INSC: variants seen among roughly 807,000 people sequenced by gnomAD.
INSC encodes INSC spindle orientation adaptor protein, also known as protein inscuteable homolog.
In INSC, 67 loss-of-function variants were observed where a neutral mutation model predicts 58.6. The observed-to-expected ratio is 1.14, with a 90% CI of 0.94 to 1.40. The LOEUF (loss-of-function observed/expected upper bound fraction) is 1.40, where lower values mean the gene tolerates loss of function less well. Ranked by LOEUF, INSC falls within the 40% of genes most tolerant of loss-of-function variation. The probability of loss-of-function intolerance (pLI) is 0.00; values close to 1 mark genes in which losing one functional copy is unlikely to be tolerated. For missense variants in INSC, 714 were observed against 692.0 expected, an observed-to-expected ratio of 1.03 and a Z score of -0.36; for synonymous variants, 262 against 276.1, an observed-to-expected ratio of 0.95 and a Z score of 0.51.
chr11:15,234,229 G>A (rs1355185356), intron 9 of INSC, among the ~76,000 whole-genome samples: 1 of 152,180 alleles, frequency 6.6e-6, no homozygotes, highest in African/African-American at 2.4e-5. Flanking sequence ...CCAGGCCCCT[G>A]ATGGGGTCTG....
intron 1 of INSC, among the ~76,000 whole-genome samples, chr11:15,119,527 T>C (rs1231552227): frequency 6.6e-6 from 1 of 152,196 alleles, no homozygotes; most frequent in African/African-American, 2.4e-5. Flanking sequence ...GCAGTGTCTG[T>C]AGGCGTCAGC....
Position 15,246,691 on chromosome 11 carries a change from CTT to C in INSC, c.*653_*654del, listed in dbSNP as rs1734490850. ...GTGACTTAGTGAGAAACCAAAGTGA[CTT>C]TCAAAAATACACCCAAAGGCACCAG... On this transcript the variant is annotated 3_prime_UTR_variant, in exon 13 of 13. Transcript: ENST00000379556. 1 of 152,352 alleles carries C rather than the reference CTT, an allele frequency of 6.6e-6. No homozygotes were observed. Among genetic ancestry groups the C allele is most frequent in the Admixed American group, 6.5e-5 (1 of 15,276 alleles). 9.4% of individuals were successfully genotyped at this position (152,352 alleles called of 1,614,324 possible).
rs772284958 is a variant in INSC, at chr11:15,225,678, A to C, written c.1020A>C (p.Glu340Asp). 10 of 1,614,202 alleles carry C rather than the reference A, an allele frequency of 6.2e-6. No individual in the cohort carries two copies. The Admixed American group carries it at 8.3e-5, about 13-fold the overall frequency. ...VKLCQEASSG[E>D]VFLLASAALA... ...TGTGCCAAGAGGCCTCATCAGGGGA[A>C]GTCTTCCTACTGGCCTCTGCGGCCC... is the stretch of plus-strand genomic sequence containing the variant. Residue 340 changes from glutamate (E) to aspartate (D), a missense_variant, in exon 9 of 13, where the codon GAA (glutamate) becomes GAC (aspartate). Glu to Asp is a conservative substitution (Grantham distance 45, BLOSUM62 2). Transcript: ENST00000379556.
At chr11:15,121,056 T>A (rs1847860503) in intron 1 of INSC, among the ~76,000 whole-genome samples, 1 of 12,910 alleles carries the variant, frequency 7.7e-5, no homozygotes, top group Non-Finnish European at 0.01. Context: ...TTATTATATA[T>A]ATGAATACAT....
At chr11:15,200,310 A>G (rs760645687) in intron 6 of INSC, among the ~76,000 whole-genome samples, 5 of 152,134 alleles carry the variant, frequency 3.3e-5, no homozygotes, top group African/African-American at 4.8e-5. Context: ...TATAAATGAA[A>G]CATTTTTTTT....
chr11:15,255,436 C>G, the INSC span, among the ~76,000 whole-genome samples: 1 of 152,110 alleles, frequency 6.6e-6, no homozygotes, highest in Non-Finnish European at 1.5e-5. Flanking sequence ...AGAAAAATCT[C>G]TAAAATAACT....
At position 15,136,053 on chromosome 11, in the gene INSC, T is replaced by A. The variant is rs545072987; in HGVS notation, c.-45-13077T>A. Among the ~76,000 whole-genome samples, 3 of 152,284 alleles carry A rather than the reference T, an allele frequency of 2.0e-5. No individual in the cohort carries two copies. In the South Asian group the frequency reaches 6.2e-4, roughly 32 times the overall value. ...TTCATTCATGAGGGCTCTGCTCTCATAACTTACAGGCATAACTTGGAGATA... is the reference window on the plus strand; with the variant it reads ...TTCATTCATGAGGGCTCTGCTCTCAAAACTTACAGGCATAACTTGGAGATA... On this transcript the variant is annotated intron_variant, in intron 1 of 12. Transcript: ENST00000379556.
chr11:15,203,849 G>GA (rs36044405), intron 7 of INSC, among the ~76,000 whole-genome samples: 6 of 149,288 alleles, frequency 4.0e-5, no homozygotes, highest in Non-Finnish European at 7.4e-5. Flanking sequence ...TAAATGGTCA[G>GA]AAAAAAAAAC....
downstream of INSC, among the ~76,000 whole-genome samples, chr11:15,250,940 A>T (rs1359970430): frequency 6.6e-6 from 1 of 152,224 alleles, no homozygotes; most frequent in African/African-American, 2.4e-5. Flanking sequence ...GTAAAAATCA[A>T]TTTTTTCAGA....
At position 15,221,633 on chromosome 11, in the gene INSC, G is replaced by A. The variant is rs185140234; in HGVS notation, c.976G>A (p.Val326Met). 1.2e-3 allele frequency: 1,970 copies of A among 1,612,040 alleles called. 33 individuals are homozygous for A. Among genetic ancestry groups the A allele is most frequent in the Non-Finnish European group, 1.1e-4 (130 of 1,178,858 alleles). The change falls in exon 8 of 13, where the codon GTG (valine) becomes ATG (methionine). Residue 326 changes from valine (V) to methionine (M), a missense_variant. Transcript: ENST00000379556. Reference sequence around the variant, plus strand: ...CTTCCTGGAGAGCATGGAGGAGATCGTGACAGCCCTCGTCAGTGAGTCACC... The same window carrying A: ...CTTCCTGGAGAGCATGGAGGAGATCATGACAGCCCTCGTCAGTGAGTCACC... Reference protein sequence around the residue: ...SSFLESMEEIVTALVKLCQEA... With the variant: ...SSFLESMEEIMTALVKLCQEA...
intron 7 of INSC, among the ~76,000 whole-genome samples, chr11:15,211,856 AT>A (rs57303496): frequency 1.4e-4 from 20 of 146,218 alleles, no homozygotes; most frequent in South Asian, 2.2e-4. Context: ...CTGTTTCTGG[AT>A]TTTTTTTTTC....
intron 1 of INSC, among the ~76,000 whole-genome samples, chr11:15,118,254 T>C (rs1480743794): frequency 6.6e-6 from 1 of 152,226 alleles, no homozygotes. Flanking sequence ...GAATCATTTG[T>C]CACCTCTTAT....
chr11:15,177,229 A>G lies in INSC; in HGVS notation c.455+66A>G, dbSNP rs762249718. 47 of 1,225,136 alleles carry G rather than the reference A, an allele frequency of 3.8e-5. No individual in the cohort carries two copies. The Middle Eastern group carries it at 6.0e-4, about 16-fold the overall frequency. 75.9% of individuals were successfully genotyped at this position (1,225,136 alleles called of 1,614,324 possible). On this transcript the variant is annotated intron_variant, in intron 4 of 12. Coordinates refer to ENST00000379556, the MANE Select transcript of INSC (RefSeq NM_001042536.3). ...ACCTCTGGCAGGAGAAGGGGCTGGT[A>G]TCTTCTCCCAGAGGGAGAATGGGAA...
chr11:15,177,194 T>G (rs771580439), intron 4 of INSC, 31 bp downstream of exon 4: 2 of 1,592,778 alleles, frequency 1.3e-6, no homozygotes, highest in Admixed American at 3.3e-5. Flanking sequence ...TCCCAGGGTC[T>G]GCCCACCCGA....
chr11:15,175,641 CAT>C, intron 2 of INSC, 98 bp from the exon 3 acceptor site: 1 of 827,508 alleles, frequency 1.2e-6, no homozygotes, highest in Non-Finnish European at 1.8e-6. Flanking sequence ...CACTGCTAAA[CAT>C]ATAATAGGTG....
Position 15,246,065 on chromosome 11 carries a change from T to C in INSC, c.*25T>C. 6.2e-7 allele frequency: 1 copy of C among 1,613,860 alleles called. No homozygotes were observed. The highest frequency in any genetic ancestry group is 8.5e-7 in the Non-Finnish European group (1 of 1,179,804). On this transcript the variant is annotated 3_prime_UTR_variant, in exon 13 of 13. Transcript: ENST00000379556. ...GTGAGTGTGGGCGAAGAAATACATT[T>C]GGCTGTTCTCACACCCCCTCTGACT...
chr11:15,186,488 G>A (rs1027390980), intron 5 of INSC, among the ~76,000 whole-genome samples: 1 of 152,108 alleles, frequency 6.6e-6, no homozygotes, highest in Non-Finnish European at 1.5e-5. Context: ...TAGATGTTGG[G>A]ATTTCCCTGA....
intron 1 of INSC, among the ~76,000 whole-genome samples, chr11:15,127,609 G>A (rs953201032): frequency 2.0e-5 from 3 of 152,188 alleles, no homozygotes; most frequent in Admixed American, 6.5e-5. Flanking sequence ...TTGTGAGCAA[G>A]CTTACTTGTA....
intron 11 of INSC, among the ~76,000 whole-genome samples, chr11:15,240,038 A>G (rs146851652): frequency 1.4e-4 from 21 of 152,284 alleles, no homozygotes; most frequent in African/African-American, 4.3e-4. Context: ...CTTAAAGTGT[A>G]AAAAGAAGTC....
Sources: gnomAD v4.1 joint callset for allele counts (sites outside exome capture counted in the v4.1 genomes callset) on GRCh38, gnomAD v4.1.1 for gene constraint, MANE v1.5 for transcripts, NCBI Gene and HGNC (gene_info 2026-07-23, HGNC 2026-07-21) for gene names.